IMMP2L: variants seen among roughly 807,000 people sequenced by gnomAD.
IMMP2L encodes mitochondrial inner membrane protease subunit 2.
A neutral mutation model predicts 19.3 loss-of-function variants in IMMP2L; 18 were observed. That is an observed-to-expected ratio of 0.93 (90% CI 0.64 to 1.38). The LOEUF (loss-of-function observed/expected upper bound fraction) is 1.38. Among genes scored for constraint, IMMP2L ranks in the 40% most tolerant of loss-of-function variants. The probability of loss-of-function intolerance (pLI) is 0.00; values close to 1 mark genes in which losing one functional copy is unlikely to be tolerated. For missense variants in IMMP2L, 233 were observed against 218.2 expected, an observed-to-expected ratio of 1.07 and a Z score of -0.43; for synonymous variants, 76 against 73.0, an observed-to-expected ratio of 1.04 and a Z score of -0.21.
intron 3 of IMMP2L, among the ~76,000 whole-genome samples, chr7:111,233,846 G>A (rs1813987358): frequency 6.6e-6 from 1 of 151,980 alleles, no homozygotes; most frequent in South Asian, 2.1e-4. Flanking sequence ...TCTAATGAAA[G>A]TCCAAATGTA....
chr7:111,464,337 G>A (rs1320558342), intron 3 of IMMP2L, among the ~76,000 whole-genome samples: 1 of 152,112 alleles, frequency 6.6e-6, no homozygotes, highest in Non-Finnish European at 1.5e-5. Context: ...GAAAACATTA[G>A]CCATGCATGG....
At chr7:111,176,629 T>C (rs1218121567) in intron 3 of IMMP2L, among the ~76,000 whole-genome samples, 2 of 151,882 alleles carry the variant, frequency 1.3e-5, no homozygotes, top group Non-Finnish European at 2.9e-5. Context: ...CTGGGAAGGG[T>C]AATGGAAGCT....
At chr7:111,382,874 C>T (rs992823114) in intron 3 of IMMP2L, among the ~76,000 whole-genome samples, 19 of 152,036 alleles carry the variant, frequency 1.2e-4, no homozygotes, top group Admixed American at 1.2e-3. Context: ...CAGTAATTAC[C>T]GGGCACCTTT....
At chr7:111,040,740 A>G in intron 3 of IMMP2L, among the ~76,000 whole-genome samples, 1 of 149,024 alleles carries the variant, frequency 6.7e-6, no homozygotes, top group Non-Finnish European at 1.5e-5. Flanking sequence ...ATTATATAAA[A>G]TCTTATAAAC....
At chr7:111,287,149 G>A (rs899506682) in intron 3 of IMMP2L, among the ~76,000 whole-genome samples, 3 of 152,072 alleles carry the variant, frequency 2.0e-5, no homozygotes, top group African/African-American at 7.2e-5. Flanking sequence ...GTTCTTTAAA[G>A]CCCACCTCAA....
chr7:111,352,324 A>C (rs1828247912), intron 3 of IMMP2L, among the ~76,000 whole-genome samples: 1 of 151,722 alleles, frequency 6.6e-6, no homozygotes, highest in African/African-American at 2.4e-5. Flanking sequence ...TTAGCCTCCC[A>C]AGTAGCTGGG....
At chr7:111,432,268 G>A (rs1267235255) in intron 3 of IMMP2L, among the ~76,000 whole-genome samples, 1 of 151,518 alleles carries the variant, frequency 6.6e-6, no homozygotes, top group African/African-American at 2.4e-5. Context: ...AGTCTTCTGT[G>A]TTGATGATTG....
At chr7:111,022,856 C>T (rs554480437) in intron 3 of IMMP2L, among the ~76,000 whole-genome samples, 1 of 147,000 alleles carries the variant, frequency 6.8e-6, no homozygotes, top group Admixed American at 6.9e-5. Context: ...AAATAAGTTT[C>T]ATTCATTATT....
intron 3 of IMMP2L, among the ~76,000 whole-genome samples, chr7:111,307,807 A>G (rs1823041597): frequency 6.6e-6 from 1 of 151,696 alleles, no homozygotes; most frequent in Non-Finnish European, 1.5e-5. Flanking sequence ...ATTTTTATTG[A>G]TATACTAGCT....
chr7:111,561,487 G>C (rs1792044445), intron 1 of IMMP2L, among the ~76,000 whole-genome samples: 1 of 152,124 alleles, frequency 6.6e-6, no homozygotes, highest in Non-Finnish European at 1.5e-5. Flanking sequence ...GGATTCTTTA[G>C]TGCTATGGTC....
At chr7:111,385,507 T>C (rs1831647274) in intron 3 of IMMP2L, among the ~76,000 whole-genome samples, 1 of 152,162 alleles carries the variant, frequency 6.6e-6, no homozygotes. Context: ...TCCAAAAAGA[T>C]GCCAAGTGGT....
At chr7:110,840,555 G>T (rs924693454) in intron 5 of IMMP2L, among the ~76,000 whole-genome samples, 2 of 152,074 alleles carry the variant, frequency 1.3e-5, no homozygotes, top group Admixed American at 6.6e-5. Flanking sequence ...TGCAGAGGGT[G>T]GGGTGGAAAA....
At chr7:111,507,849 G>A (rs1442824484) in intron 2 of IMMP2L, among the ~76,000 whole-genome samples, 4 of 152,116 alleles carry the variant, frequency 2.6e-5, no homozygotes, top group Non-Finnish European at 5.9e-5. Flanking sequence ...TGGAAGGCCA[G>A]GATGCTTCAT....
At chr7:111,496,919 T>TAGAC (rs1177583640) in intron 2 of IMMP2L, among the ~76,000 whole-genome samples, 2 of 152,044 alleles carry the variant, frequency 1.3e-5, no homozygotes, top group Non-Finnish European at 1.5e-5. Context: ...GATAGATAGA[T>TAGAC]AGATAGACAG....
chr7:111,306,360 G>A (rs1822867100), intron 3 of IMMP2L, among the ~76,000 whole-genome samples: 1 of 152,088 alleles, frequency 6.6e-6, no homozygotes, highest in South Asian at 2.1e-4. Context: ...GTACCAGTTT[G>A]GTGGGGGATA....
intron 1 of IMMP2L, among the ~76,000 whole-genome samples, chr7:111,543,879 G>A (rs1029502034): frequency 1.3e-5 from 2 of 151,820 alleles, no homozygotes; most frequent in African/African-American, 2.4e-5. Context: ...ACTTTTTTCC[G>A]CACATCTCCT....
intron 3 of IMMP2L, among the ~76,000 whole-genome samples, chr7:111,466,257 T>C (rs553030763): frequency 6.6e-6 from 1 of 152,236 alleles, no homozygotes; most frequent in South Asian, 2.1e-4. Context: ...GACAAGTTAA[T>C]GGGTGCAGCA....
chr7:111,225,528 T>G (rs1812986818), intron 3 of IMMP2L, among the ~76,000 whole-genome samples: 3 of 151,990 alleles, frequency 2.0e-5, no homozygotes, highest in Admixed American at 6.6e-5. Context: ...AAAAGTTCAT[T>G]GATATGGCAT....
intron 3 of IMMP2L, among the ~76,000 whole-genome samples, chr7:111,144,061 AT>A (rs1485037718): frequency 6.6e-6 from 1 of 152,074 alleles, no homozygotes. Flanking sequence ...CAAAATCTCT[AT>A]TTTTCTTACA....
Sources: allele counts gnomAD v4.1 joint callset (sites outside exome capture counted in the v4.1 genomes callset), GRCh38; gene constraint gnomAD v4.1.1; transcripts MANE v1.5; gene names NCBI Gene and HGNC (gene_info 2026-07-23, HGNC 2026-07-21).